Variants in RPTOR observed in about 807,000 individuals in gnomAD.
RPTOR encodes the protein regulatory associated protein of MTOR complex 1, also known as regulatory-associated protein of mTOR.
Under a neutral mutation model 169.9 loss-of-function variants are expected in RPTOR, and 21 were observed. The ratio of observed to expected loss-of-function variants is 0.12; its 90% CI spans 0.09 to 0.18. RPTOR has a LOEUF of 0.18. Among genes scored for constraint, RPTOR ranks in the 10% least tolerant of loss-of-function variants. RPTOR has a pLI of 1.00. For missense variants in RPTOR, 1,133 were observed against 1,855.9 expected (o/e 0.61, Z 7.16); for synonymous variants, 732 against 753.2 (o/e 0.97, Z 0.46).
intron 24 of RPTOR, among the ~76,000 whole-genome samples, chr17:80,937,654 C>T (rs938800842): frequency 6.6e-6 from 1 of 152,252 alleles, no homozygotes; most frequent in African/African-American, 2.4e-5. Flanking sequence ...TCAGCCTGCA[C>T]TGGGCCTGGG....
At chr17:80,610,055 C>T (rs796947950) in intron 1 of RPTOR, among the ~76,000 whole-genome samples, 1 of 152,094 alleles carries the variant, frequency 6.6e-6, no homozygotes, top group Admixed American at 6.6e-5. Flanking sequence ...TTCTCATTTT[C>T]GACTTCAACT....
intron 5 of RPTOR, among the ~76,000 whole-genome samples, chr17:80,739,156 C>T (rs1444515068): frequency 2.2e-5 from 3 of 134,760 alleles, no homozygotes; most frequent in Non-Finnish European, 3.3e-5. Context: ...GCCGCCACCA[C>T]GGAGGCCGAG....
intron 3 of RPTOR, among the ~76,000 whole-genome samples, chr17:80,645,332 G>T (rs2065586437): frequency 1.3e-5 from 2 of 151,984 alleles, no homozygotes; most frequent in South Asian, 4.2e-4. Flanking sequence ...CCATCTCCTG[G>T]GTTTGGCTTT....
At chr17:80,846,916 T>G (rs558966046) in intron 11 of RPTOR, among the ~76,000 whole-genome samples, 1 of 152,328 alleles carries the variant, frequency 6.6e-6, no homozygotes, top group South Asian at 2.1e-4. Context: ...ATTTCCACTT[T>G]AGGAATTGCT....
chr17:80,707,701 T>G lies in RPTOR; in HGVS notation c.349-140T>G. Reference sequence around the variant, plus strand: ...GCCAGGGTGCCTGGCATTACCTGGTTTTATAGATGGAGAAACTCAGAGCCA... The same window carrying G: ...GCCAGGGTGCCTGGCATTACCTGGTGTTATAGATGGAGAAACTCAGAGCCA... On this transcript the variant is annotated intron_variant, in intron 3 of 33. Transcript: ENST00000306801. The surrounding 1 kb of genome is among the most constrained non-coding windows in gnomAD (Gnocchi z 5.0). 1.3e-6 allele frequency: 1 copy of G among 782,710 alleles called. No homozygotes were observed. Among genetic ancestry groups the G allele is most frequent in the African/African-American group, 1.7e-5 (1 of 57,440 alleles). The allele number at this position is 782,710 out of a possible 1,614,324, so 48.5% of individuals were successfully genotyped here.
rs1350794322 is a variant in RPTOR at position 80,959,203 on chromosome 17, TC to T, written c.3478-874del. Among the ~76,000 whole-genome samples the T allele has an allele frequency of 2.0e-5, 3 of 152,210 alleles. No homozygotes were observed. Among genetic ancestry groups the T allele is most frequent in the African/African-American group, 7.2e-5 (3 of 41,464 alleles). ...GGATCCCTCGAGGCACCAGCAGCTT[TC>T]ATGGCACCTTCTTTGGGGTGGGGGG... On this transcript the variant is annotated intron_variant, in intron 29 of 33. Transcript: ENST00000306801. This position sits in a 1 kb window ranked among gnomAD's most constrained non-coding sequence, Gnocchi z 6.7.
At chr17:80,914,820 C>T (rs1254255284) in intron 21 of RPTOR, among the ~76,000 whole-genome samples, 1 of 152,238 alleles carries the variant, frequency 6.6e-6, no homozygotes, top group Non-Finnish European at 1.5e-5. Context: ...TGGCAGGAGG[C>T]AGACAGGGTC....
rs2065388342 is a variant in RPTOR, at chr17:80,625,744, T to G, written c.216T>G (p.Pro72=). The G allele has an allele frequency of 1.2e-6, 2 of 1,613,442 alleles. No individual in the cohort carries two copies. The highest frequency in any genetic ancestry group is 8.5e-7 in the Non-Finnish European group (1 of 1,179,858). Residue 72 remains proline, a synonymous_variant, in exon 2 of 34, where the codon CCT becomes CCG. Coordinates refer to ENST00000306801, the MANE Select transcript of RPTOR (RefSeq NM_020761.3). ...TGTGCCTGAATGTTGGTGTGGACCC[T>G]CCCGATGTGGTGAAGACCACGCCCT... ...LVLCLNVGVD[P]PDVVKTTPCA... is the part of the protein sequence containing the mutation.
rs150793214 is a variant in RPTOR, at chr17:80,964,959, C to T, written c.*629C>T. 5.0e-3 allele frequency: 1,176 copies of T among 233,456 alleles called. 5 individuals carry two copies. Among genetic ancestry groups the T allele is most frequent in the Non-Finnish European group, 7.3e-3 (858 of 118,192 alleles). 14.5% of individuals were successfully genotyped at this position (233,456 alleles called of 1,614,324 possible). A position where few individuals can be genotyped will look rare whatever the true frequency, so the allele number is the denominator to read the frequency against. On this transcript the variant is annotated 3_prime_UTR_variant, in exon 34 of 34. Coordinates refer to ENST00000306801, the MANE Select transcript of RPTOR (RefSeq NM_020761.3). Reference sequence around the variant, plus strand: ...CCCAGGGGTCCGGGCTGTCCTTGGCCGCTGGCAGCATCACTGAGCAGGAAG... The same window carrying T: ...CCCAGGGGTCCGGGCTGTCCTTGGCTGCTGGCAGCATCACTGAGCAGGAAG...
At chr17:80,680,522 A>G (rs909368660) in intron 3 of RPTOR, among the ~76,000 whole-genome samples, 1 of 152,118 alleles carries the variant, frequency 6.6e-6, no homozygotes, top group Non-Finnish European at 1.5e-5. Context: ...AATTCCAGCT[A>G]CTCAGGAGAG....
chr17:80,551,616 A>C (rs2143211188), intron 1 of RPTOR, among the ~76,000 whole-genome samples: 1 of 152,324 alleles, frequency 6.6e-6, no homozygotes, highest in South Asian at 2.1e-4. Flanking sequence ...TCCCTATCTC[A>C]GTAGATGGAA....
intron 6 of RPTOR, among the ~76,000 whole-genome samples, chr17:80,758,108 G>A (rs550543039): frequency 6.6e-6 from 1 of 152,302 alleles, no homozygotes; most frequent in African/African-American, 2.4e-5. Flanking sequence ...CTCAACAAAT[G>A]TCTCCTCTGG....
chr17:80,937,774 C>T (rs1490515168), intron 24 of RPTOR, among the ~76,000 whole-genome samples: 3 of 152,206 alleles, frequency 2.0e-5, no homozygotes, highest in Admixed American at 6.5e-5. Flanking sequence ...CCGTGCTGAG[C>T]GGCGGTCACA....
At chr17:80,950,759 AC>A (rs1435387287) in intron 28 of RPTOR, among the ~76,000 whole-genome samples, 3 of 152,152 alleles carry the variant, frequency 2.0e-5, no homozygotes, top group Non-Finnish European at 2.9e-5. Flanking sequence ...CAGGCCACTC[AC>A]CGGCCATTGT....
At chr17:80,955,084 T>C (rs931546485) in intron 28 of RPTOR, among the ~76,000 whole-genome samples, 1 of 152,216 alleles carries the variant, frequency 6.6e-6, no homozygotes, top group Non-Finnish European at 1.5e-5. Flanking sequence ...TAGCCATGGA[T>C]GAAAAGACTC....
chr17:80,550,118 C>A (rs144214484), intron 1 of RPTOR, among the ~76,000 whole-genome samples: 1 of 152,138 alleles, frequency 6.6e-6, no homozygotes, highest in Non-Finnish European at 1.5e-5. Context: ...TCTACACTAC[C>A]CCCTCTGCTT....
In RPTOR at chr17:80,945,713, C is replaced by T. The variant is rs778895982; in HGVS notation, c.3072C>T (p.Gly1024=). The change falls in exon 26 of 34, where the codon GGC becomes GGT. Residue 1024 remains glycine, a synonymous_variant. Coordinates refer to ENST00000306801, the MANE Select transcript of RPTOR (RefSeq NM_020761.3). ...AAATATTTCTGAACAGGAACCCCGG[C>T]GTCCCCTCTGTGGTGAAATTCCACC... ...DDQIFLNRNP[G]VPSVVKFHPF... 9 of 1,611,718 alleles carry T rather than the reference C, an allele frequency of 5.6e-6. No individual in the cohort carries two copies. The highest frequency in any genetic ancestry group is 1.6e-4 in the Middle Eastern group (1 of 6,070).
intron 3 of RPTOR, among the ~76,000 whole-genome samples, chr17:80,681,668 G>T (rs1415532938): frequency 1.7e-5 from 1 of 59,418 alleles, no homozygotes; most frequent in African/African-American, 1.5e-4. Flanking sequence ...TGAGGTGTAC[G>T]TCTCTTACAG....
At chr17:80,830,518 G>A (rs561689054) in intron 9 of RPTOR, among the ~76,000 whole-genome samples, 3 of 152,330 alleles carry the variant, frequency 2.0e-5, no homozygotes, top group Admixed American at 6.5e-5. Flanking sequence ...AGCCACTCAC[G>A]CACGGCCTTC....
Sources: allele counts gnomAD v4.1 joint callset (sites outside exome capture counted in the v4.1 genomes callset), GRCh38; gene constraint gnomAD v4.1.1; non-coding constraint Gnocchi (gnomAD v3.1); transcripts MANE v1.5; gene names NCBI Gene and HGNC (gene_info 2026-07-23, HGNC 2026-07-21).